SRGAP2: variants seen among roughly 807,000 people sequenced by gnomAD.
The protein encoded by SRGAP2 is SLIT-ROBO Rho GTPase-activating protein 2.
A neutral mutation model predicts 57.2 loss-of-function variants in SRGAP2; 15 were observed. The ratio of observed to expected loss-of-function variants is 0.26; its 90% CI spans 0.18 to 0.40. The LOEUF (loss-of-function observed/expected upper bound fraction) is 0.40, where lower values mean the gene tolerates loss of function less well. Among genes scored for constraint, SRGAP2 ranks in the 10% least tolerant of loss-of-function variants. The pLI is 1.00. For synonymous variants in SRGAP2, 249 were observed against 248.0 expected (o/e 1.00, Z -0.04); for missense variants, 520 against 669.6 (o/e 0.78, Z 2.47).
chr1:206,450,520 G>A (rs1663177952), intron 19 of SRGAP2, 55 bp downstream of exon 19: 5 of 770,564 alleles, frequency 6.5e-6, no homozygotes, highest in Middle Eastern at 2.6e-4. Context: ...GCAGAAGGAA[G>A]TGATTATATA....
At chr1:206,423,949 A>AT (rs782243765) in intron 13 of SRGAP2, among the ~76,000 whole-genome samples, 11,825 of 87,678 alleles carry the variant, frequency 0.13, 695 homozygotes, top group South Asian at 0.24. Flanking sequence ...TAATTTATGT[A>AT]TTTTTTTTTT....
rs1418329731 is a variant in SRGAP2 at position 206,312,960 on chromosome 1, T to G, written c.260+9487T>G. Among the ~76,000 whole-genome samples, 4 of 78,776 alleles carry G rather than the reference T, an allele frequency of 5.1e-5. No homozygotes were observed. The South Asian group carries it at 9.4e-4, about 18-fold the overall frequency. The allele number at this position is 78,776 out of a possible 152,430, so 51.7% of individuals were successfully genotyped here. A position where few individuals can be genotyped will look rare whatever the true frequency, so the allele number is the denominator to read the frequency against. On this transcript the variant is annotated intron_variant, in intron 3 of 22. Coordinates refer to ENST00000573034, the MANE Select transcript of SRGAP2 (RefSeq NM_015326.5). ...TGATAATGCATTGGCTGTTTGTTTG[T>G]TTTTTTTTTTAAATAGACTTGCTGT...
intron 2 of SRGAP2, among the ~76,000 whole-genome samples, chr1:206,285,020 G>C (rs1195801128): frequency 1.3e-5 from 2 of 151,166 alleles, no homozygotes; most frequent in Non-Finnish European, 3.0e-5. Flanking sequence ...AAAAGGAAAC[G>C]AAGGAGTTGC....
At chr1:206,384,870 C>T (rs1386889748) in intron 5 of SRGAP2, among the ~76,000 whole-genome samples, 1 of 149,402 alleles carries the variant, frequency 6.7e-6, no homozygotes, top group Non-Finnish European at 1.5e-5. Flanking sequence ...TAATGCCTTT[C>T]AGGGGCCCCT....
At chr1:206,285,019 C>T (rs1424299358) in intron 2 of SRGAP2, among the ~76,000 whole-genome samples, 12,686 of 150,676 alleles carry the variant, frequency 0.084, 770 homozygotes, top group African/African-American at 0.18. Context: ...AAAAAGGAAA[C>T]GAAGGAGTTG....
chr1:206,463,608 A>G lies in SRGAP2; in HGVS notation c.*2188A>G, dbSNP rs1553381819. ...TATTTCTCTTTCAACCCTGTACATG[A>G]CTCGTGTTCACCATCCCCTTGATCA... On this transcript the variant is annotated 3_prime_UTR_variant, in exon 23 of 23. Coordinates refer to ENST00000573034, the MANE Select transcript of SRGAP2 (RefSeq NM_015326.5). 2.0e-5 allele frequency: 3 copies of G among 152,384 alleles called. No homozygotes were observed. Among genetic ancestry groups the G allele is most frequent in the Admixed American group, 2.0e-4 (3 of 15,250 alleles). 9.4% of individuals were successfully genotyped at this position (152,384 alleles called of 1,614,324 possible).
chr1:206,357,501 C>T, intron 4 of SRGAP2, among the ~76,000 whole-genome samples: 1 of 150,682 alleles, frequency 6.6e-6, no homozygotes, highest in Non-Finnish European at 1.5e-5. Flanking sequence ...TAAATGTTGC[C>T]TATATGATCA....
intron 3 of SRGAP2, among the ~76,000 whole-genome samples, chr1:206,330,114 AT>A (rs1674253564): frequency 3.3e-5 from 1 of 30,340 alleles, no homozygotes; most frequent in Admixed American, 4.2e-4. Flanking sequence ...ACATTTATTG[AT>A]TTGCGTATAT....
At chr1:206,229,923 C>CACAT (rs1259645864) in intron 2 of SRGAP2, among the ~76,000 whole-genome samples, 4 of 123,260 alleles carry the variant, frequency 3.2e-5, no homozygotes. Flanking sequence ...TATATATGTA[C>CACAT]ACATACATAC....
intron 2 of SRGAP2, among the ~76,000 whole-genome samples, chr1:206,239,899 T>C (rs187715742): frequency 0.015 from 2,306 of 150,444 alleles, 18 homozygotes; most frequent in Middle Eastern, 0.031. Context: ...GGCAGTAAAT[T>C]TATTAGCAAG....
rs564276505 is a variant in SRGAP2, at chr1:206,436,231, TATTGAAAGC to T, written c.1556-729_1556-721del. ...TTTCATGTTCTCTCTTTTTCATGAG[TATTGAAAGC>T]ATTGCCCCCTTGAACAATCAAACCG... is the stretch of plus-strand genomic sequence containing the variant. On this transcript the variant is annotated intron_variant, in intron 14 of 22. Coordinates refer to ENST00000573034, the MANE Select transcript of SRGAP2 (RefSeq NM_015326.5). 1.8e-3 allele frequency among the ~76,000 whole-genome samples: 272 copies of T among 152,326 alleles called. 1 individual carries two copies. Among genetic ancestry groups the T allele is most frequent in the African/African-American group, 6.2e-3 (259 of 41,564 alleles).
intron 11 of SRGAP2, among the ~76,000 whole-genome samples, chr1:206,416,802 T>C (rs1659750099): frequency 6.9e-6 from 1 of 144,532 alleles, no homozygotes; most frequent in Non-Finnish European, 1.5e-5. Flanking sequence ...ATCTCCTCAC[T>C]TAAAGATAGG....
rs1351317208 is a variant in SRGAP2 at position 206,463,287 on chromosome 1, T to C, written c.*1867T>C. On this transcript the variant is annotated 3_prime_UTR_variant, in exon 23 of 23. Coordinates refer to ENST00000573034, the MANE Select transcript of SRGAP2 (RefSeq NM_015326.5). Reference sequence around the variant, plus strand: ...TGAAGAACTCTTTCAGTGAAGTGAGTCAGCCTAGAAGAGGCAACCCACAGT... The same window carrying C: ...TGAAGAACTCTTTCAGTGAAGTGAGCCAGCCTAGAAGAGGCAACCCACAGT... 1 of 152,488 alleles carries C rather than the reference T, an allele frequency of 6.6e-6. No homozygotes were observed. The highest frequency in any genetic ancestry group is 2.4e-5 in the African/African-American group (1 of 41,390). 9.4% of individuals were successfully genotyped at this position (152,488 alleles called of 1,614,324 possible).
At position 206,374,003 on chromosome 1, in the gene SRGAP2, C is replaced by T. The variant is rs192827702; in HGVS notation, c.424-10011C>T. ...ATATGGATACTGCGCCTGACAACTGCGGGTAGATACACATTCTTTTTTTTT... is the reference window on the plus strand; with the variant it reads ...ATATGGATACTGCGCCTGACAACTGTGGGTAGATACACATTCTTTTTTTTT... On this transcript the variant is annotated intron_variant, in intron 4 of 22. Transcript: ENST00000573034. 3.2e-3 allele frequency among the ~76,000 whole-genome samples: 455 copies of T among 143,060 alleles called. 2 individuals carry two copies. Among genetic ancestry groups the T allele is most frequent in the African/African-American group, 0.011 (438 of 38,454 alleles). The allele number at this position is 143,060 out of a possible 152,430, so 93.9% of individuals were successfully genotyped here. A position where few individuals can be genotyped will look rare whatever the true frequency, so the allele number is the denominator to read the frequency against.
intron 3 of SRGAP2, among the ~76,000 whole-genome samples, chr1:206,314,190 A>G (rs1409216655): frequency 6.7e-6 from 1 of 149,954 alleles, no homozygotes; most frequent in African/African-American, 2.5e-5. Context: ...GCTGGAGTGC[A>G]ATGGCACGAT....
At chr1:206,255,122 C>A (rs1374439334) in intron 2 of SRGAP2, among the ~76,000 whole-genome samples, 1 of 136,512 alleles carries the variant, frequency 7.3e-6, no homozygotes, top group African/African-American at 2.8e-5. Flanking sequence ...TTCCATTTAT[C>A]TGAAACCCTT....
At chr1:206,338,885 G>A (rs1396727669) in intron 3 of SRGAP2, among the ~76,000 whole-genome samples, 3 of 147,792 alleles carry the variant, frequency 2.0e-5, no homozygotes, top group Admixed American at 2.0e-4. Flanking sequence ...GTATAAATCT[G>A]CTTTTAAAGT....
At chr1:206,448,887 A>G (rs1283606718) in intron 18 of SRGAP2, among the ~76,000 whole-genome samples, 1 of 152,208 alleles carries the variant, frequency 6.6e-6, no homozygotes, top group African/African-American at 2.4e-5. Flanking sequence ...ATATTCTTCT[A>G]GAATGTTCTC....
chr1:206,357,694 G>A (rs1324816232), intron 4 of SRGAP2, among the ~76,000 whole-genome samples: 4 of 148,144 alleles, frequency 2.7e-5, no homozygotes, highest in African/African-American at 1.0e-4. Flanking sequence ...AGTGATTCTC[G>A]TGCCTCAGCC....
Sources: gnomAD v4.1 joint callset for allele counts (sites outside exome capture counted in the v4.1 genomes callset) on GRCh38, gnomAD v4.1.1 for gene constraint, MANE v1.5 for transcripts, NCBI Gene and HGNC (gene_info 2026-07-23, HGNC 2026-07-21) for gene names.